The following ADAM32 variants were observed in gnomAD, a reference collection of about 807,000 sequenced individuals.
ADAM32 encodes ADAM metallopeptidase domain 32.
In ADAM32, 89 loss-of-function variants were observed where a neutral mutation model predicts 114.9. The observed-to-expected ratio is 0.77, with a 90% CI of 0.65 to 0.92. The LOEUF is 0.92. Ranked by LOEUF, ADAM32 falls within the 40% of genes least tolerant of loss-of-function variation. ADAM32 has a pLI of 0.00. For synonymous variants in ADAM32, 285 were observed against 307.5 expected (o/e 0.93, Z 0.77); for missense variants, 870 against 932.8 (o/e 0.93, Z 0.88).
At chr8:39,284,686 T>C (rs1323274673) in intron 24 of ADAM32, 107 bp from the exon 25 acceptor site, 3 of 1,235,150 alleles carry the variant, frequency 2.4e-6, no homozygotes, top group South Asian at 1.3e-5. Flanking sequence ...AATTCTTTTT[T>C]TCGTGCCACA....
intron 19 of ADAM32, among the ~76,000 whole-genome samples, chr8:39,264,849 T>C (rs2129451045): frequency 1.3e-5 from 2 of 152,278 alleles, no homozygotes; most frequent in South Asian, 4.2e-4. Flanking sequence ...TCTACGTGAT[T>C]GTATGGTTTT....
In ADAM32 at chr8:39,254,454, A is replaced by G. The variant is rs746575841; in HGVS notation, c.1943A>G (p.Tyr648Cys). Residue 648 changes from tyrosine to cysteine, a missense_variant, in exon 18 of 25, where the codon TAT becomes TGT. By Grantham distance (194) the Tyr-to-Cys change is radical. Transcript: ENST00000379907. ...AACAAGTGCCATTGTTCGCCAGGCT[A>G]TAAGCCTCCAAACTGCCAAATACGT... The part of the protein sequence containing the change: ...SRNKCHCSPG[Y>C]KPPNCQIRSK... The G allele has an allele frequency of 3.1e-6, 5 of 1,602,944 alleles. No homozygotes were observed. Among genetic ancestry groups the G allele is most frequent in the South Asian group, 1.1e-5 (1 of 88,646 alleles).
At chr8:39,196,818 G>A (rs974600420) in intron 11 of ADAM32, among the ~76,000 whole-genome samples, 6 of 151,824 alleles carry the variant, frequency 4.0e-5, no homozygotes, top group African/African-American at 1.5e-4. Context: ...TTGTGTCCTT[G>A]TCTGATTTTC....
At chr8:39,219,812 G>A (rs187796502) in intron 12 of ADAM32, among the ~76,000 whole-genome samples, 17 of 152,208 alleles carry the variant, frequency 1.1e-4, no homozygotes, top group Non-Finnish European at 1.9e-4. Flanking sequence ...TGTATGGTTG[G>A]TATAATTTCA....
chr8:39,280,761 ATTTATT>A (rs1362045388), intron 22 of ADAM32, among the ~76,000 whole-genome samples: 4 of 151,812 alleles, frequency 2.6e-5, no homozygotes, highest in Admixed American at 1.3e-4. Flanking sequence ...ATTGTTTTTA[ATTTATT>A]TTTATTTTTA....
chr8:39,205,024 TCA>T (rs1457167683), intron 11 of ADAM32, among the ~76,000 whole-genome samples: 1 of 152,204 alleles, frequency 6.6e-6, no homozygotes, highest in African/African-American at 2.4e-5. Context: ...CTGTGAGGTG[TCA>T]GTCTGCCCCT....
At chr8:39,176,735 T>C (rs1377992586) in intron 10 of ADAM32, among the ~76,000 whole-genome samples, 2 of 152,182 alleles carry the variant, frequency 1.3e-5, no homozygotes, top group African/African-American at 4.8e-5. Context: ...AAGTCCTGTA[T>C]ATCTTTGTTA....
intron 6 of ADAM32, 127 bp downstream of exon 6, chr8:39,151,675 C>CAT: frequency 1.6e-5 from 7 of 435,466 alleles, no homozygotes; most frequent in Non-Finnish European, 2.6e-5. Context: ...AACATCTTAT[C>CAT]TTTTTTTTTT....
At chr8:39,149,256 A>G (rs1019374098) in intron 4 of ADAM32, among the ~76,000 whole-genome samples, 1 of 152,132 alleles carries the variant, frequency 6.6e-6, no homozygotes, top group Non-Finnish European at 1.5e-5. Context: ...TGGAATATTT[A>G]TGTCTTCCTG....
At chr8:39,233,186 G>A (rs1809863599) in intron 15 of ADAM32, among the ~76,000 whole-genome samples, 1 of 152,114 alleles carries the variant, frequency 6.6e-6, no homozygotes, top group Non-Finnish European at 1.5e-5. Context: ...AGAAAGTAAA[G>A]GAATAAAAGA....
In ADAM32 at chr8:39,207,716, T is replaced by C. The variant is rs1807940862; in HGVS notation, c.1053-3428T>C. Among the ~76,000 whole-genome samples, 4 of 152,338 alleles carry C rather than the reference T, an allele frequency of 2.6e-5. No homozygotes were observed. In the South Asian group the frequency reaches 8.3e-4, roughly 32 times the overall value. ...CTCTCCCAGTCTTCCTCTCTCTCTT[T>C]CCCTCACCAGCCTCTGGTAACCACT... On this transcript the variant is annotated intron_variant, in intron 11 of 24. Transcript: ENST00000379907.
chr8:39,250,411 T>TCTAG (rs1811214776), intron 17 of ADAM32, among the ~76,000 whole-genome samples: 1 of 151,994 alleles, frequency 6.6e-6, no homozygotes, highest in Non-Finnish European at 1.5e-5. Flanking sequence ...GTTTTTGATC[T>TCTAG]CTAGTACTTC....
chr8:39,241,801 C>A (rs142491963), intron 16 of ADAM32, among the ~76,000 whole-genome samples: 2 of 152,236 alleles, frequency 1.3e-5, no homozygotes, highest in South Asian at 2.1e-4. Flanking sequence ...GAGACAATTT[C>A]CCCATTGTCT....
chr8:39,130,359 T>C (rs72640051), intron 2 of ADAM32, among the ~76,000 whole-genome samples: 17,618 of 152,214 alleles, frequency 0.12, 1,130 homozygotes, highest in Admixed American at 0.15. Flanking sequence ...TTCATTGATT[T>C]TCTTTGTTTT....
intron 11 of ADAM32, among the ~76,000 whole-genome samples, chr8:39,206,609 C>G (rs757907149): frequency 1.2e-4 from 18 of 152,204 alleles, no homozygotes; most frequent in Non-Finnish European, 2.6e-4. Flanking sequence ...CTTTCAAGCT[C>G]TGGGGAGCAT....
chr8:39,151,687 T>TC (rs1257325346), intron 6 of ADAM32, 139 bp downstream of exon 6: 38 of 684,894 alleles, frequency 5.5e-5, no homozygotes, highest in Admixed American at 7.9e-5. Context: ...TTTTTTTTTT[T>TC]TTTTCTCACT....
intron 19 of ADAM32, among the ~76,000 whole-genome samples, chr8:39,265,014 C>T (rs551229786): frequency 1.3e-5 from 2 of 152,190 alleles, no homozygotes; most frequent in South Asian, 4.1e-4. Context: ...TCAAGTGCCG[C>T]GTTAAGTCCC....
intron 11 of ADAM32, among the ~76,000 whole-genome samples, chr8:39,190,977 T>A (rs963412287): frequency 6.6e-6 from 1 of 152,228 alleles, no homozygotes; most frequent in South Asian, 2.1e-4. Flanking sequence ...CTATGTGTTC[T>A]CATCCTTTAG....
chr8:39,247,010 C>G (rs997588932), intron 17 of ADAM32, among the ~76,000 whole-genome samples: 1 of 151,928 alleles, frequency 6.6e-6, no homozygotes, highest in Non-Finnish European at 1.5e-5. Flanking sequence ...AATGTTTCTC[C>G]GTGTTTTTCT....
Sources: allele counts gnomAD v4.1 joint callset (sites outside exome capture counted in the v4.1 genomes callset), GRCh38; gene constraint gnomAD v4.1.1; transcripts MANE v1.5; gene names NCBI Gene and HGNC (gene_info 2026-07-23, HGNC 2026-07-21).